LMO7: variants seen among roughly 807,000 people sequenced by gnomAD.
LMO7 encodes LIM domain only protein 7.
In LMO7, 120 loss-of-function variants were observed where a neutral mutation model predicts 206.5. The ratio of observed to expected loss-of-function variants is 0.58; its 90% CI spans 0.50 to 0.68. The LOEUF (loss-of-function observed/expected upper bound fraction) is 0.68, where lower values mean the gene tolerates loss of function less well. Among genes scored for constraint, LMO7 ranks in the 30% least tolerant of loss-of-function variants. LMO7 has a pLI of 0.00. For synonymous variants in LMO7, 706 were observed against 681.5 expected (o/e 1.04, Z -0.56); for missense variants, 1,959 against 1,957.9 (o/e 1.00, Z -0.01).
intron 14 of LMO7, among the ~76,000 whole-genome samples, chr13:75,822,768 A>G (rs947767047): frequency 4.3e-5 from 4 of 93,002 alleles, no homozygotes; most frequent in African/African-American, 9.7e-5. Flanking sequence ...GAAACTATAT[A>G]TATATATATA....
At chr13:75,849,676 A>T (rs552008649) in intron 27 of LMO7, among the ~76,000 whole-genome samples, 8 of 152,254 alleles carry the variant, frequency 5.3e-5, no homozygotes, top group African/African-American at 1.9e-4. Context: ...TAGAAGTTTC[A>T]TATTTTTATA....
chr13:75,621,944 CT>C, intron 1 of LMO7: 1 of 1,054,798 alleles, frequency 9.5e-7, no homozygotes, highest in Non-Finnish European at 1.3e-6. Flanking sequence ...TTTGGCTTTT[CT>C]TTAGGAACAC....
chr13:75,646,280 A>G (rs1016989119), intron 1 of LMO7, among the ~76,000 whole-genome samples: 17 of 152,224 alleles, frequency 1.1e-4, no homozygotes, highest in African/African-American at 4.1e-4. Flanking sequence ...ACCTCTTGCC[A>G]CATCCACCAT....
chr13:75,646,593 T>A (rs1807446), intron 1 of LMO7, among the ~76,000 whole-genome samples: 55,835 of 136,424 alleles, frequency 0.41, 10,649 homozygotes, highest in South Asian at 0.47. Flanking sequence ...TTTTTTTTTT[T>A]AATTTTTGAG....
At chr13:75,857,448 CT>C (rs1271588665) in intron 30 of LMO7, 3 of 152,448 alleles carry the variant, frequency 2.0e-5, no homozygotes, top group Non-Finnish European at 4.4e-5. Flanking sequence ...CCAGTCAACT[CT>C]CTTTTATCTG....
intron 3 of LMO7, among the ~76,000 whole-genome samples, chr13:75,757,405 TG>T (rs1483416640): frequency 1.4e-4 from 22 of 152,214 alleles, no homozygotes; most frequent in African/African-American, 2.7e-4. Flanking sequence ...CTGCTTAATT[TG>T]GGGATAATGT....
In LMO7 at chr13:75,804,510, G is replaced by T; in HGVS notation, c.883G>T (p.Val295Phe). 1.2e-6 allele frequency: 2 copies of T among 1,614,088 alleles called. No homozygotes were observed. The highest frequency in any genetic ancestry group is 1.7e-6 in the Non-Finnish European group (2 of 1,179,988). ...TAACAGAAGAAGTTGGGCAAGCCCGGTTTATACAGAAGCAGATGGAACATT... is the reference window on the plus strand; with the variant it reads ...TAACAGAAGAAGTTGGGCAAGCCCGTTTTATACAGAAGCAGATGGAACATT... Reference protein sequence around the residue: ...EDNRRSWASPVYTEADGTFSS... With the variant: ...EDNRRSWASPFYTEADGTFSS... The change falls in exon 8 of 31, where the codon GTT becomes TTT. Residue 295 changes from valine to phenylalanine, a missense_variant. Physicochemically the swap from Val to Phe is conservative, Grantham distance 50 (BLOSUM62 -1). Transcript: ENST00000377534.
At chr13:75,847,165 C>CATAG (rs781035387) in intron 26 of LMO7, among the ~76,000 whole-genome samples, 8 of 152,004 alleles carry the variant, frequency 5.3e-5, no homozygotes, top group Admixed American at 1.3e-4. Flanking sequence ...TGAACCAAGG[C>CATAG]ATAGACAAAC....
At chr13:75,763,036 T>C (rs1008036592) in intron 4 of LMO7, among the ~76,000 whole-genome samples, 1 of 152,206 alleles carries the variant, frequency 6.6e-6, no homozygotes, top group African/African-American at 2.4e-5. Flanking sequence ...TTTAGCTTTT[T>C]AAAAATATAT....
chr13:75,687,435 A>T (rs2041108652), intron 1 of LMO7, among the ~76,000 whole-genome samples: 1 of 152,180 alleles, frequency 6.6e-6, no homozygotes, highest in Non-Finnish European at 1.5e-5. Flanking sequence ...TTGGGGAAAA[A>T]GGACAGACTG....
chr13:75,716,519 A>G (rs2043546766), intron 2 of LMO7, among the ~76,000 whole-genome samples: 1 of 152,166 alleles, frequency 6.6e-6, no homozygotes, highest in African/African-American at 2.4e-5. Context: ...TCTTGGTTTT[A>G]CTAAACAGTG....
At chr13:75,737,473 G>A (rs1188466557) in intron 3 of LMO7, among the ~76,000 whole-genome samples, 6 of 150,360 alleles carry the variant, frequency 4.0e-5, no homozygotes, top group Non-Finnish European at 8.9e-5. Context: ...AAAAAACTTG[G>A]CCGGGCGCGG....
intron 1 of LMO7, among the ~76,000 whole-genome samples, chr13:75,659,511 G>A (rs929630069): frequency 6.6e-6 from 1 of 152,166 alleles, no homozygotes; most frequent in Admixed American, 6.5e-5. Flanking sequence ...TACGTGGATG[G>A]CAGTGGCAAG....
chr13:75,766,980 G>A (rs7139507), intron 4 of LMO7, among the ~76,000 whole-genome samples: 59,222 of 151,854 alleles, frequency 0.39, 12,070 homozygotes, highest in East Asian at 0.57. Context: ...GGCAAAGCAG[G>A]CACTGAACTT....
intron 2 of LMO7, among the ~76,000 whole-genome samples, chr13:75,628,927 C>T (rs1444833692): frequency 2.0e-5 from 3 of 152,212 alleles, no homozygotes; most frequent in Non-Finnish European, 4.4e-5. Context: ...TTTTACTGTA[C>T]AAAAGCATTT....
chr13:75,653,869 C>T (rs1156826529), intron 1 of LMO7, among the ~76,000 whole-genome samples: 2 of 152,084 alleles, frequency 1.3e-5, no homozygotes, highest in African/African-American at 4.8e-5. Flanking sequence ...TTATATTTCT[C>T]AAATATAAAC....
At chr13:75,710,841 T>C (rs2043047528) in intron 1 of LMO7, among the ~76,000 whole-genome samples, 1 of 151,932 alleles carries the variant, frequency 6.6e-6, no homozygotes, top group Non-Finnish European at 1.5e-5. Context: ...CTATGTTGAA[T>C]AGGAGTGGTG....
rs2059892430 is a variant in LMO7, at chr13:75,845,195, A to G, written c.4098-132A>G. ...AGATGAAAAATTTCTTGGTTTAAACATAATTGCTCTCAGCAGACACAGAAA... is the reference window on the plus strand; with the variant it reads ...AGATGAAAAATTTCTTGGTTTAAACGTAATTGCTCTCAGCAGACACAGAAA... On this transcript the variant is annotated intron_variant, in intron 25 of 30. Coordinates refer to ENST00000377534, the MANE Select transcript of LMO7 (RefSeq NM_001306080.2). 5 of 480,232 alleles carry G rather than the reference A, an allele frequency of 1.0e-5. No individual in the cohort carries two copies. In the South Asian group the frequency reaches 1.1e-4, roughly 11 times the overall value. 29.7% of individuals were successfully genotyped at this position (480,232 alleles called of 1,614,324 possible).
chr13:75,815,211 T>A (rs549029205), intron 11 of LMO7, among the ~76,000 whole-genome samples: 8 of 152,224 alleles, frequency 5.3e-5, no homozygotes, highest in African/African-American at 1.9e-4. Context: ...GATGATGTGA[T>A]AATTGTTATA....
Sources: allele counts gnomAD v4.1 joint callset (sites outside exome capture counted in the v4.1 genomes callset), GRCh38; gene constraint gnomAD v4.1.1; transcripts MANE v1.5; gene names NCBI Gene and HGNC (gene_info 2026-07-23, HGNC 2026-07-21).